The following KALRN variants were observed in gnomAD, a reference collection of about 807,000 sequenced individuals.
The protein encoded by KALRN is kalirin RhoGEF kinase.
Under a neutral mutation model 353.7 loss-of-function variants are expected in KALRN, and 70 were observed. That is an observed-to-expected ratio of 0.20 (90% CI 0.16 to 0.24). The LOEUF (loss-of-function observed/expected upper bound fraction) is 0.24, where lower values mean the gene tolerates loss of function less well. KALRN is among the 10% of genes least tolerant of loss of function. The pLI is 1.00. For synonymous variants in KALRN, 1,391 were observed against 1,434.8 expected, an observed-to-expected ratio of 0.97 and a Z score of 0.69; for missense variants, 2,791 against 3,756.7, an observed-to-expected ratio of 0.74 and a Z score of 6.72.
At chr3:124,223,758 G>T (rs888783576) in intron 1 of KALRN, among the ~76,000 whole-genome samples, 2 of 152,192 alleles carry the variant, frequency 1.3e-5, no homozygotes, top group Non-Finnish European at 2.9e-5. Context: ...GGGCTGGGGG[G>T]CTCAAGGGCC....
intron 13 of KALRN, among the ~76,000 whole-genome samples, chr3:124,412,496 A>AATTTT (rs2092249136): frequency 6.6e-6 from 1 of 152,152 alleles, no homozygotes; most frequent in Non-Finnish European, 1.5e-5. Flanking sequence ...AAAAACTTTT[A>AATTTT]ATTTTGATTC....
chr3:124,664,811 A>G (rs1185368960), intron 45 of KALRN, among the ~76,000 whole-genome samples: 1 of 152,222 alleles, frequency 6.6e-6, no homozygotes, highest in Non-Finnish European at 1.5e-5. Context: ...AACAGTGAGC[A>G]TGTGTCTATT....
chr3:124,043,825 T>C (rs2040184362), intron 1 of KALRN, among the ~76,000 whole-genome samples: 1 of 151,992 alleles, frequency 6.6e-6, no homozygotes, highest in Non-Finnish European at 1.5e-5. Flanking sequence ...CTCTAGGCTG[T>C]AGTGGGGTCT....
At chr3:124,121,093 C>CAAAAAA (rs35883031) in intron 1 of KALRN, among the ~76,000 whole-genome samples, 14 of 75,032 alleles carry the variant, frequency 1.9e-4, no homozygotes, top group South Asian at 7.1e-4. Context: ...GACTCCATCT[C>CAAAAAA]AAAAAAAAAA....
At chr3:124,312,079 T>C (rs2078322936) in intron 6 of KALRN, among the ~76,000 whole-genome samples, 2 of 152,248 alleles carry the variant, frequency 1.3e-5, no homozygotes, top group Admixed American at 1.3e-4. Context: ...TTGATTGTGA[T>C]GTTGGTTGTA....
chr3:124,352,773 C>G (rs1365202190), intron 10 of KALRN, among the ~76,000 whole-genome samples: 1 of 151,740 alleles, frequency 6.6e-6, no homozygotes, highest in African/African-American at 2.4e-5. Context: ...AAGAGAAAAC[C>G]AAACACCGCA....
At chr3:124,703,951 G>A (rs557183979) in intron 57 of KALRN, among the ~76,000 whole-genome samples, 4 of 152,232 alleles carry the variant, frequency 2.6e-5, no homozygotes, top group South Asian at 4.2e-4. Flanking sequence ...TTACAGGTGT[G>A]AGCCACCCAT....
At chr3:124,095,087 A>G (rs948950535) in intron 1 of KALRN, among the ~76,000 whole-genome samples, 5 of 152,172 alleles carry the variant, frequency 3.3e-5, no homozygotes, top group African/African-American at 4.8e-5. Flanking sequence ...TTCTGGGGAC[A>G]TGTATGACCC....
chr3:124,407,499 T>C (rs2091696499), intron 13 of KALRN, among the ~76,000 whole-genome samples: 1 of 152,182 alleles, frequency 6.6e-6, no homozygotes, highest in Non-Finnish European at 1.5e-5. Flanking sequence ...CCTGCCTGTG[T>C]TGGGAACAGA....
At chr3:124,047,288 G>T (rs1219891236) in intron 1 of KALRN, among the ~76,000 whole-genome samples, 4 of 152,118 alleles carry the variant, frequency 2.6e-5, no homozygotes, top group African/African-American at 9.7e-5. Context: ...GCTATCACAT[G>T]ATCTTTGTCC....
At chr3:124,324,476 G>C (rs1388456564) in intron 6 of KALRN, among the ~76,000 whole-genome samples, 1 of 152,182 alleles carries the variant, frequency 6.6e-6, no homozygotes, top group African/African-American at 2.4e-5. Context: ...GGCTGAGAAT[G>C]ATTCTTACAT....
intron 14 of KALRN, among the ~76,000 whole-genome samples, chr3:124,418,045 C>T (rs143065209): frequency 6.6e-5 from 10 of 151,866 alleles, no homozygotes; most frequent in Non-Finnish European, 1.3e-4. Context: ...CTGAATTAAT[C>T]GAGAATGAAC....
chr3:124,415,289 A>G (rs2092433181), intron 14 of KALRN, among the ~76,000 whole-genome samples: 1 of 152,262 alleles, frequency 6.6e-6, no homozygotes. Context: ...GGCAACAGCA[A>G]AAAGCTCCTC....
At chr3:124,274,770 T>C (rs998820543) in intron 5 of KALRN, among the ~76,000 whole-genome samples, 4 of 152,166 alleles carry the variant, frequency 2.6e-5, no homozygotes, top group East Asian at 1.9e-4. Flanking sequence ...ATTTTTTTTT[T>C]AGGTGTTCAG....
At chr3:124,663,949 T>G (rs2085226621) in intron 45 of KALRN, among the ~76,000 whole-genome samples, 1 of 152,220 alleles carries the variant, frequency 6.6e-6, no homozygotes, top group Admixed American at 6.5e-5. Flanking sequence ...TGTCTGGTTT[T>G]CATGCTTTGC....
intron 34 of KALRN, among the ~76,000 whole-genome samples, chr3:124,603,917 G>T (rs1173687345): frequency 6.6e-6 from 1 of 152,064 alleles, no homozygotes; most frequent in Non-Finnish European, 1.5e-5. Context: ...TTCAGATGGA[G>T]CCTGGTGATC....
In KALRN at chr3:124,377,759, G is replaced by C. The variant is rs143346471; in HGVS notation, c.1771-7086G>C. Among the ~76,000 whole-genome samples, 3 of 152,226 alleles carry C rather than the reference G, an allele frequency of 2.0e-5. No homozygotes were observed. The East Asian group carries it at 5.8e-4, about 29-fold the overall frequency. On this transcript the variant is annotated intron_variant, in intron 10 of 59. Coordinates refer to ENST00000682506, the MANE Select transcript of KALRN (RefSeq NM_001388419.1). ...CTGTTTAGGGTTATTACATCCTCTT[G>C]ATGAATTGACCCCTTGATCATTATC...
In KALRN at chr3:124,349,020, TCAAA is replaced by T. The variant is rs572708614; in HGVS notation, c.1770+1758_1770+1761del. Reference sequence around the variant, plus strand: ...AGGTGTGAGCCACCGTGCCCAGCTGTCAAACAGATATTTATACACCCATTTTCAC... The same window carrying T: ...AGGTGTGAGCCACCGTGCCCAGCTGTCAGATATTTATACACCCATTTTCAC... On this transcript the variant is annotated intron_variant, in intron 10 of 59. Transcript: ENST00000682506. 2.0e-4 allele frequency among the ~76,000 whole-genome samples: 31 copies of T among 152,244 alleles called. No homozygotes were observed. In the South Asian group the frequency reaches 5.6e-3, roughly 27 times the overall value.
chr3:124,330,641 C>T (rs2080452497), intron 8 of KALRN, among the ~76,000 whole-genome samples: 2 of 152,140 alleles, frequency 1.3e-5, no homozygotes, highest in Non-Finnish European at 2.9e-5. Flanking sequence ...TAAAAGGAAA[C>T]AGCTACATAG....
Sources: allele counts gnomAD v4.1 joint callset (sites outside exome capture counted in the v4.1 genomes callset), GRCh38; gene constraint gnomAD v4.1.1; transcripts MANE v1.5; gene names NCBI Gene and HGNC (gene_info 2026-07-23, HGNC 2026-07-21).